The following RNF213 variants were observed in gnomAD, a reference collection of about 807,000 sequenced individuals.
RNF213 encodes ring finger protein 213.
RNF213 carries 341 observed loss-of-function variants against 514.4 expected under a neutral mutation model. The observed-to-expected ratio is 0.66, with a 90% CI of 0.61 to 0.73. The LOEUF (loss-of-function observed/expected upper bound fraction) is 0.73. Among genes scored for constraint, RNF213 ranks in the 30% least tolerant of loss-of-function variants. RNF213 has a pLI of 0.00. For synonymous variants in RNF213, 2,655 were observed against 2,658.2 expected (o/e 1.00, Z 0.04); for missense variants, 5,767 against 6,615.6 (o/e 0.87, Z 4.45).
chr17:80,275,791 T>C (rs977349759), intron 3 of RNF213, among the ~76,000 whole-genome samples: 2 of 151,980 alleles, frequency 1.3e-5, no homozygotes, highest in Non-Finnish European at 2.9e-5. Flanking sequence ...GCCTCCGGAG[T>C]AGCTGGGACT....
In RNF213 at chr17:80,317,749, G is replaced by A. The variant is rs1158652570; in HGVS notation, c.2901+472G>A. 6.6e-6 allele frequency among the ~76,000 whole-genome samples: 1 copy of A among 152,124 alleles called. No homozygotes were observed. Among genetic ancestry groups the A allele is most frequent in the Non-Finnish European group, 1.5e-5 (1 of 68,024 alleles). On this transcript the variant is annotated intron_variant, in intron 16 of 67. Coordinates refer to ENST00000582970, the MANE Select transcript of RNF213 (RefSeq NM_001256071.3). This position sits in a 1 kb window ranked among gnomAD's most constrained non-coding sequence, Gnocchi z 4.1. ...CATGTTACAGTGCTCTCTTAGCTCC[G>A]CCGTCTATGGACAGTAGTGTGTTAT...
intron 2 of RNF213, among the ~76,000 whole-genome samples, chr17:80,265,010 A>G (rs1217717078): frequency 6.7e-6 from 1 of 149,398 alleles, no homozygotes; most frequent in Non-Finnish European, 1.5e-5. Context: ...GTTGTCCTTC[A>G]AGGGTGTGAG....
intron 3 of RNF213, among the ~76,000 whole-genome samples, chr17:80,281,133 C>T (rs1269673918): frequency 7.4e-5 from 10 of 134,488 alleles, no homozygotes; most frequent in Admixed American, 6.7e-4. Context: ...ACACACACCC[C>T]CACACCCCAC....
chr17:80,330,775 C>T (rs1299541454), intron 20 of RNF213, among the ~76,000 whole-genome samples: 1 of 152,200 alleles, frequency 6.6e-6, no homozygotes. Context: ...AGGGGGTCCA[C>T]CTGCTGTGTC....
Position 80,395,155 on chromosome 17 carries a change from C to A in RNF213, c.*1657C>A, listed in dbSNP as rs2080627016. 1 of 150,996 alleles carries A rather than the reference C, an allele frequency of 6.6e-6. No homozygotes were observed. Among genetic ancestry groups the A allele is most frequent in the East Asian group, 1.9e-4 (1 of 5,176 alleles). 9.4% of individuals were successfully genotyped at this position (150,996 alleles called of 1,614,324 possible). ...TTTATGAAGGGGTTTTAAATTGTTT[C>A]ATTTTGTGTGCTGTGCTTCAAAGCC... On this transcript the variant is annotated 3_prime_UTR_variant, in exon 68 of 68. Coordinates refer to ENST00000582970, the MANE Select transcript of RNF213 (RefSeq NM_001256071.3).
chr17:80,303,567 CTTT>C (rs61546164), intron 11 of RNF213, among the ~76,000 whole-genome samples: 3 of 130,888 alleles, frequency 2.3e-5, no homozygotes, highest in Admixed American at 1.5e-4. Flanking sequence ...CTTTTCTTTT[CTTT>C]TTTTTTTTTT....
intron 47 of RNF213, 119 bp downstream of exon 47, chr17:80,372,104 A>G (rs2079540003): frequency 2.8e-6 from 2 of 724,802 alleles, no homozygotes; most frequent in Non-Finnish European, 4.9e-6. Context: ...CCGTGCAGAA[A>G]AGAAGAAAGG....
chr17:80,313,785 GTGGTGA>G (rs2045681826), intron 15 of RNF213, among the ~76,000 whole-genome samples: 1 of 146,496 alleles, frequency 6.8e-6, no homozygotes, highest in African/African-American at 2.6e-5. Context: ...GGTGATGGTG[GTGGTGA>G]AGGTGATGGT....
At chr17:80,386,134 G>A (rs932185482) in intron 61 of RNF213, 116 bp from the exon 62 acceptor site, 2 of 1,000,776 alleles carry the variant, frequency 2.0e-6, no homozygotes, top group Admixed American at 1.8e-5. Context: ...GCAGAACCGA[G>A]ACCCGGCTCC....
chr17:80,280,509 AG>A (rs1338194104), intron 3 of RNF213, among the ~76,000 whole-genome samples: 3 of 152,176 alleles, frequency 2.0e-5, no homozygotes, highest in Non-Finnish European at 4.4e-5. Flanking sequence ...GCTGGAGCGC[AG>A]TGGCAAAATC....
At chr17:80,301,538 T>C (rs919595477) in intron 11 of RNF213, among the ~76,000 whole-genome samples, 1 of 152,010 alleles carries the variant, frequency 6.6e-6, no homozygotes, top group Non-Finnish European at 1.5e-5. Flanking sequence ...AACAGGCATA[T>C]GAAAAAATGA....
chr17:80,337,116 C>T (rs950285096), intron 23 of RNF213, among the ~76,000 whole-genome samples: 1 of 152,084 alleles, frequency 6.6e-6, no homozygotes, highest in Admixed American at 6.6e-5. Context: ...CAAACAAAAC[C>T]CTCTGTTGTG....
Position 80,288,617 on chromosome 17 carries a change from G to A in RNF213, c.811-16G>A. On this transcript the variant is annotated splice_polypyrimidine_tract_variant and intron_variant, in intron 4 of 67. Transcript: ENST00000582970. This position sits in a 1 kb window ranked among gnomAD's most constrained non-coding sequence, Gnocchi z 4.9. Reference sequence around the variant, plus strand: ...CCCATTTTGTCACCTTGGCTCTGGTGTTTGGGGTCTTTCAGGCAGTTGATG... The same window carrying A: ...CCCATTTTGTCACCTTGGCTCTGGTATTTGGGGTCTTTCAGGCAGTTGATG... 1 of 1,614,164 alleles carries A rather than the reference G, an allele frequency of 6.2e-7. No individual in the cohort carries two copies. Among genetic ancestry groups the A allele is most frequent in the Non-Finnish European group, 8.5e-7 (1 of 1,180,034 alleles).
Position 80,385,640 on chromosome 17 carries a change from G to A in RNF213, c.14539+19G>A. The A allele has an allele frequency of 1.9e-6, 3 of 1,606,324 alleles. No individual in the cohort carries two copies. The highest frequency in any genetic ancestry group is 1.7e-6 in the Non-Finnish European group (2 of 1,173,054). On this transcript the variant is annotated intron_variant, in intron 61 of 67. Transcript: ENST00000582970. ...ACGAACGGTTAGTATCCTGTCCCCTGTACCACTAAGCGTTCCAGGAGAGCC... is the reference window on the plus strand; with the variant it reads ...ACGAACGGTTAGTATCCTGTCCCCTATACCACTAAGCGTTCCAGGAGAGCC...
chr17:80,270,935 C>T (rs547924816), intron 2 of RNF213, among the ~76,000 whole-genome samples: 1 of 152,280 alleles, frequency 6.6e-6, no homozygotes, highest in African/African-American at 2.4e-5. Context: ...CCAGCACCAC[C>T]TCATGGTCTT....
chr17:80,292,342 A>G (rs1349624330), intron 8 of RNF213, among the ~76,000 whole-genome samples: 2 of 152,148 alleles, frequency 1.3e-5, no homozygotes, highest in Non-Finnish European at 2.9e-5. Context: ...TGTTGGGATT[A>G]CAGGTGTAAG....
At position 80,348,301 on chromosome 17, in the gene RNF213, G is replaced by A. The variant is rs985010468; in HGVS notation, c.9951+15G>A. The A allele has an allele frequency of 2.5e-6, 4 of 1,608,722 alleles. No homozygotes were observed. The Admixed American group carries it at 6.7e-5, about 27-fold the overall frequency. On this transcript the variant is annotated intron_variant, in intron 29 of 67. Coordinates refer to ENST00000582970, the MANE Select transcript of RNF213 (RefSeq NM_001256071.3). The stretch of plus-strand genomic sequence containing the variant: ...TCTTCACAGAGGTGATTGTCTTTCT[G>A]CACTTGTACCCTATCCCCTGTCACC...
chr17:80,279,625 C>T (rs750006765), intron 3 of RNF213, among the ~76,000 whole-genome samples: 1 of 151,762 alleles, frequency 6.6e-6, no homozygotes, highest in East Asian at 1.9e-4. Context: ...CCACCACGCC[C>T]GGCTACTTTT....
At position 80,363,166 on chromosome 17, in the gene RNF213, A is replaced by T; in HGVS notation, c.11420A>T (p.Glu3807Val). The T allele has an allele frequency of 1.2e-6, 2 of 1,614,214 alleles. No individual in the cohort carries two copies. Among genetic ancestry groups the T allele is most frequent in the Non-Finnish European group, 1.7e-6 (2 of 1,180,040 alleles). ...KLKAASEAPE[E>V]EVSLPWVHLA... is the part of the protein sequence containing the mutation. ...AAAGCGGCGTCAGAAGCGCCCGAGG[A>T]AGAGGTTTCCTTACCGTGGGTGCAC... The change falls in exon 40 of 68, where the codon GAA becomes GTA. Residue 3807 changes from glutamate (E) to valine (V), a missense_variant. Glu to Val is a moderately radical substitution (Grantham distance 121). Transcript: ENST00000582970.
Sources: allele counts gnomAD v4.1 joint callset (sites outside exome capture counted in the v4.1 genomes callset), GRCh38; gene constraint gnomAD v4.1.1; non-coding constraint Gnocchi (gnomAD v3.1); transcripts MANE v1.5; gene names NCBI Gene and HGNC (gene_info 2026-07-23, HGNC 2026-07-21).